Variants in ST6GALNAC2 observed in about 807,000 individuals in gnomAD.
ST6GALNAC2 encodes alpha-N-acetylgalactosaminide alpha-2,6-sialyltransferase 2.
A neutral mutation model predicts 38.7 loss-of-function variants in ST6GALNAC2; 42 were observed. The ratio of observed to expected loss-of-function variants is 1.09; its 90% CI spans 0.85 to 1.40. The LOEUF (loss-of-function observed/expected upper bound fraction) is 1.40. ST6GALNAC2 is among the 40% of genes most tolerant of loss of function. ST6GALNAC2 has a pLI of 0.00. For missense variants in ST6GALNAC2, 506 were observed against 481.7 expected (o/e 1.05, Z -0.47); for synonymous variants, 233 against 209.0 (o/e 1.11, Z -0.99).
chr17:76,576,044 A>G (rs979338060), intron 2 of ST6GALNAC2, among the ~76,000 whole-genome samples: 1 of 152,186 alleles, frequency 6.6e-6, no homozygotes, highest in African/African-American at 2.4e-5. Flanking sequence ...AGGAGTTTCC[A>G]GATTAGCTTG....
chr17:76,568,468 C>A, intron 7 of ST6GALNAC2: 1 of 572,244 alleles, frequency 1.7e-6, no homozygotes. Context: ...TTGTATAAAC[C>A]TCCTTGAGTT....
rs762302181 is a variant in ST6GALNAC2 at position 76,572,700 on chromosome 17, G to A, written c.606C>T (p.Asn202=). 9.9e-6 allele frequency: 16 copies of A among 1,614,108 alleles called. No homozygotes were observed. In the South Asian group the frequency reaches 1.3e-4, roughly 13 times the overall value. The part of the protein sequence containing the change: ...TKTSFYGFTV[N]TMKNSLVSYW... ...AGGAGACGAGGGAGTTCTTCATCGT[G>A]TTCACAGTGAAACCATAGAAGGAAG... The change falls in exon 5 of 9, where the codon AAC becomes AAT. Residue 202 remains asparagine, a synonymous_variant. Coordinates refer to ENST00000225276, the MANE Select transcript of ST6GALNAC2 (RefSeq NM_006456.3).
At chr17:76,569,277 G>A (rs1413059916) in intron 6 of ST6GALNAC2, 4 of 333,792 alleles carry the variant, frequency 1.2e-5, no homozygotes, top group Non-Finnish European at 2.1e-5. Flanking sequence ...GAATTGGCCC[G>A]ATATAGGAAG....
Position 76,567,477 on chromosome 17 carries a change from C to T in ST6GALNAC2, c.933G>A (p.Leu311=), listed in dbSNP as rs1032601982. 8 of 1,613,762 alleles carry T rather than the reference C, an allele frequency of 5.0e-6. No individual in the cohort carries two copies. The African/African-American group carries it at 8.0e-5, about 16-fold the overall frequency. The change falls in exon 8 of 9, where the codon CTG becomes CTA. Residue 311 remains leucine, a synonymous_variant. Coordinates refer to ENST00000225276, the MANE Select transcript of ST6GALNAC2 (RefSeq NM_006456.3). ...CCTGGTCACAGGTATGCAAAGCTGT[C>T]AGCAGCATGAGAGCCCCGGTACTAG... ...YMPSTGALML[L]TALHTCDQVS... is the part of the protein sequence containing the mutation.
intron 1 of ST6GALNAC2, among the ~76,000 whole-genome samples, chr17:76,582,190 G>A (rs1398225188): frequency 3.7e-5 from 1 of 26,750 alleles, no homozygotes. Context: ...TTTTTTTTTT[G>A]AGACAGGGTC....
In ST6GALNAC2 at chr17:76,573,339, A is replaced by T; in HGVS notation, c.386T>A (p.Leu129Gln). Residue 129 changes from leucine (L) to glutamine (Q), a missense_variant, in exon 4 of 9, where the codon CTG (leucine) becomes CAG (glutamine). Coordinates refer to ENST00000225276, the MANE Select transcript of ST6GALNAC2 (RefSeq NM_006456.3). This position sits in a 1 kb window ranked among gnomAD's most constrained non-coding sequence, Gnocchi z 5.1. Reference sequence around the variant, plus strand: ...CAGCTTGGCACTCTCTGAGCCGTTCAGAAGGCTCAGGGTGGAGGCGATGAC... The same window carrying T: ...CAGCTTGGCACTCTCTGAGCCGTTCTGAAGGCTCAGGGTGGAGGCGATGAC... ...HQVIASTLSL[L>Q]NGSESAKLFA... 1 of 1,568,976 alleles carries T rather than the reference A, an allele frequency of 6.4e-7. No individual in the cohort carries two copies.
At chr17:76,581,954 A>G (rs1598262706) in intron 1 of ST6GALNAC2, among the ~76,000 whole-genome samples, 1 of 151,532 alleles carries the variant, frequency 6.6e-6, no homozygotes, top group Non-Finnish European at 1.5e-5. Flanking sequence ...TGCAACCTCC[A>G]CCTCCTGGGT....
chr17:76,567,976 G>A, intron 7 of ST6GALNAC2: 1 of 185,454 alleles, frequency 5.4e-6, no homozygotes. Flanking sequence ...CACGGGCTCT[G>A]CCCTCAGGCC....
At chr17:76,568,100 C>G (rs902310263) in intron 7 of ST6GALNAC2, 1 of 161,556 alleles carries the variant, frequency 6.2e-6, no homozygotes, top group Non-Finnish European at 1.4e-5. Flanking sequence ...TCCACACACC[C>G]CTCTCCAACT....
chr17:76,578,289 C>T (rs1054289087), intron 2 of ST6GALNAC2, among the ~76,000 whole-genome samples: 4 of 152,106 alleles, frequency 2.6e-5, no homozygotes, highest in South Asian at 2.1e-4. Flanking sequence ...CGTGAGAGAA[C>T]GCAGGTAAAG....
intron 1 of ST6GALNAC2, among the ~76,000 whole-genome samples, chr17:76,580,683 G>A (rs1377661897): frequency 1.3e-5 from 2 of 151,344 alleles, no homozygotes; most frequent in Non-Finnish European, 2.9e-5. Context: ...TCGCACCACT[G>A]CACTCCAGCC....
intron 1 of ST6GALNAC2, among the ~76,000 whole-genome samples, 153 bp downstream of exon 1, chr17:76,585,531 G>A (rs907123627): frequency 2.6e-5 from 4 of 152,182 alleles, no homozygotes; most frequent in African/African-American, 7.2e-5. Context: ...GCGACAAAGG[G>A]CCGCGGCCGA....
chr17:76,565,534 G>A lies in ST6GALNAC2; in HGVS notation c.*570C>T, dbSNP rs1315565295. 2.6e-5 allele frequency: 4 copies of A among 151,054 alleles called. No homozygotes were observed. The highest frequency in any genetic ancestry group is 9.8e-5 in the African/African-American group (4 of 40,842). 9.4% of individuals were successfully genotyped at this position (151,054 alleles called of 1,614,324 possible). A position where few individuals can be genotyped will look rare whatever the true frequency, so the allele number is the denominator to read the frequency against. On this transcript the variant is annotated 3_prime_UTR_variant, in exon 9 of 9. Transcript: ENST00000225276. Reference sequence around the variant, plus strand: ...CCAGTGTTCTGAGAGTCATCTCCATGCTAAACAGCCTGCGTTTTATATGAT... The same window carrying A: ...CCAGTGTTCTGAGAGTCATCTCCATACTAAACAGCCTGCGTTTTATATGAT...
At chr17:76,581,316 C>G (rs549107495) in intron 1 of ST6GALNAC2, among the ~76,000 whole-genome samples, 1 of 152,178 alleles carries the variant, frequency 6.6e-6, no homozygotes, top group Non-Finnish European at 1.5e-5. Context: ...GACGGTGGTG[C>G]TCAGCCTAGG....
chr17:76,575,112 G>A (rs916028658), intron 2 of ST6GALNAC2, among the ~76,000 whole-genome samples: 3 of 152,106 alleles, frequency 2.0e-5, no homozygotes, highest in African/African-American at 7.2e-5. Context: ...TTCATCTCAC[G>A]CTTGAGCAAA....
At position 76,567,669 on chromosome 17, in the gene ST6GALNAC2, A is replaced by G. The variant is rs188361272; in HGVS notation, c.858-117T>C. ...AAACTGAGGGCCTTCTACTCCAGTC[A>G]GTTCTTTATTCGGTCCAAGTGGACT... On this transcript the variant is annotated intron_variant, in intron 7 of 8. Transcript: ENST00000225276. 7.8e-5 allele frequency: 51 copies of G among 650,718 alleles called. No homozygotes were observed. The African/African-American group carries it at 9.1e-4, about 12-fold the overall frequency. The allele number at this position is 650,718 out of a possible 1,614,324, so 40.3% of individuals were successfully genotyped here.
chr17:76,580,173 T>C (rs1373925540), intron 1 of ST6GALNAC2, among the ~76,000 whole-genome samples: 1 of 152,078 alleles, frequency 6.6e-6, no homozygotes, highest in Non-Finnish European at 1.5e-5. Context: ...GTAATCCCAG[T>C]ACTTTGGGAG....
At chr17:76,569,535 G>A (rs566586402) in intron 6 of ST6GALNAC2, 6 of 394,756 alleles carry the variant, frequency 1.5e-5, no homozygotes, top group Admixed American at 1.3e-4. Flanking sequence ...AGCCCCGAGT[G>A]GGGGAGGGGG....
rs2075315267 is a variant in ST6GALNAC2 at position 76,568,744 on chromosome 17, G to A, written c.826C>T (p.His276Tyr). 6.2e-7 allele frequency: 1 copy of A among 1,613,762 alleles called. No homozygotes were observed. The highest frequency in any genetic ancestry group is 8.5e-7 in the Non-Finnish European group (1 of 1,179,998). ...GTCAGGTAGCTGATGAAGTCCGGATGTAGCAGCTTGAATTTACTGGCAGAG... is the reference window on the plus strand; with the variant it reads ...GTCAGGTAGCTGATGAAGTCCGGATATAGCAGCTTGAATTTACTGGCAGAG... ...EASASKFKLL[H>Y]PDFISYLTER... Residue 276 changes from histidine (H) to tyrosine (Y), a missense_variant, in exon 7 of 9, where the codon CAT becomes TAT. By Grantham distance (83) the His-to-Tyr change is moderately conservative. Transcript: ENST00000225276.
Sources: gnomAD v4.1 joint callset for allele counts (sites outside exome capture counted in the v4.1 genomes callset) on GRCh38, gnomAD v4.1.1 for gene constraint, Gnocchi (gnomAD v3.1) non-coding constraint, MANE v1.5 for transcripts, NCBI Gene and HGNC (gene_info 2026-07-23, HGNC 2026-07-21) for gene names.